TMEM181: variants seen among roughly 807,000 people sequenced by gnomAD.
TMEM181 encodes transmembrane protein 181, also known as G protein-coupled receptor 178.
Under a neutral mutation model 71.9 loss-of-function variants are expected in TMEM181, and 39 were observed. The observed-to-expected ratio is 0.54, with a 90% CI of 0.42 to 0.71. The LOEUF (loss-of-function observed/expected upper bound fraction) is 0.71. Ranked by LOEUF, TMEM181 falls within the 30% of genes least tolerant of loss-of-function variation. TMEM181 has a pLI of 0.00. For missense variants in TMEM181, 595 were observed against 583.0 expected, an observed-to-expected ratio of 1.02 and a Z score of -0.21; for synonymous variants, 245 against 228.8, an observed-to-expected ratio of 1.07 and a Z score of -0.64.
intron 6 of TMEM181, among the ~76,000 whole-genome samples, chr6:158,602,409 A>C (rs117081750): frequency 0.016 from 2,500 of 152,278 alleles, 24 homozygotes; most frequent in Middle Eastern, 0.044. Context: ...AATGCTAGAA[A>C]TGGAATGGTT....
At position 158,572,702 on chromosome 6, in the gene TMEM181, T is replaced by C. The variant is rs375017102; in HGVS notation, c.9-718T>C. Among the ~76,000 whole-genome samples, 111 of 152,336 alleles carry C rather than the reference T, an allele frequency of 7.3e-4. 1 individual carries two copies. The highest frequency in any genetic ancestry group is 2.5e-3 in the African/African-American group (106 of 41,584). ...AGGATGTTCTAAAAGAAATGATCCC[T>C]GCCTCCTAGAGTTTTCCTGTGACTG... On this transcript the variant is annotated intron_variant, in intron 1 of 16. Transcript: ENST00000684151.
chr6:158,584,715 ATGAAG>A (rs1311229804), intron 4 of TMEM181, among the ~76,000 whole-genome samples: 2 of 152,242 alleles, frequency 1.3e-5, no homozygotes, highest in Non-Finnish European at 2.9e-5. Context: ...ACCACAGTAA[ATGAAG>A]TGAAACAAAT....
chr6:158,632,346 GGCTGCTTC>G lies in TMEM181; in HGVS notation c.*459_*466del, dbSNP rs1786711132. 1 of 178,404 alleles carries G rather than the reference GGCTGCTTC, an allele frequency of 5.6e-6. No homozygotes were observed. The highest frequency in any genetic ancestry group is 2.4e-5 in the African/African-American group (1 of 42,000). 11.1% of individuals were successfully genotyped at this position (178,404 alleles called of 1,614,324 possible). On this transcript the variant is annotated 3_prime_UTR_variant, in exon 17 of 17. Transcript: ENST00000684151. ...AAACTCAAAGGGAAGCCTTATCTGT[GGCTGCTTC>G]AGGGCAGTCCTTCCTCGTTGAGTGG...
chr6:158,573,373 T>C, intron 1 of TMEM181, 47 bp from the exon 2 acceptor site: 1 of 1,482,692 alleles, frequency 6.7e-7, no homozygotes, highest in Non-Finnish European at 9.2e-7. Flanking sequence ...TCCTGTGACC[T>C]CCGGGCCTTC....
chr6:158,601,175 ATAG>A (rs1784650672), intron 6 of TMEM181, among the ~76,000 whole-genome samples: 1 of 152,208 alleles, frequency 6.6e-6, no homozygotes, highest in Non-Finnish European at 1.5e-5. Flanking sequence ...TTTTGGGTTT[ATAG>A]TAGTAACTAT....
upstream of TMEM181, among the ~76,000 whole-genome samples, chr6:158,556,785 T>A (rs1309448126): frequency 6.6e-6 from 1 of 151,778 alleles, no homozygotes; most frequent in Non-Finnish European, 1.5e-5. Context: ...TTTTTTGAGA[T>A]GGAGTCTCGC....
chr6:158,543,551 C>G (rs1273010579), intron 1 of TMEM181, among the ~76,000 whole-genome samples: 2 of 152,224 alleles, frequency 1.3e-5, no homozygotes, highest in South Asian at 2.1e-4. Flanking sequence ...TTGTCTCCTC[C>G]TGAGGGACAT....
chr6:158,605,159 T>TAG, intron 6 of TMEM181, 108 bp from the exon 7 acceptor site: 3 of 703,234 alleles, frequency 4.3e-6, no homozygotes, highest in Non-Finnish European at 2.5e-6. Flanking sequence ...TGTGTGTGTG[T>TAG]ATGTGTATAT....
chr6:158,580,595 A>G (rs1460744399), intron 2 of TMEM181, among the ~76,000 whole-genome samples: 5 of 152,246 alleles, frequency 3.3e-5, no homozygotes, highest in African/African-American at 1.2e-4. Context: ...TACAGAATAT[A>G]TAAGACAGAG....
chr6:158,600,513 A>G (rs1183481184), intron 6 of TMEM181, among the ~76,000 whole-genome samples: 9 of 124,240 alleles, frequency 7.2e-5, no homozygotes, highest in Non-Finnish European at 1.1e-4. Context: ...TCTGTCGCCC[A>G]GGCTAGAGTG....
intron 1 of TMEM181, among the ~76,000 whole-genome samples, chr6:158,564,422 C>A (rs1022005831): frequency 6.6e-6 from 1 of 152,202 alleles, no homozygotes; most frequent in South Asian, 2.1e-4. Flanking sequence ...CAGGGAAGCT[C>A]CCAGCCTGGT....
upstream of TMEM181, among the ~76,000 whole-genome samples, chr6:158,558,663 G>A (rs1781993617): frequency 2.6e-5 from 4 of 152,206 alleles, no homozygotes; most frequent in South Asian, 8.3e-4. Context: ...CTCAATTAGG[G>A]TGTCTTCTCT....
At chr6:158,589,525 G>C (rs776927145) in intron 5 of TMEM181, 147 bp from the exon 6 acceptor site, 4 of 619,034 alleles carry the variant, frequency 6.5e-6, no homozygotes, top group Non-Finnish European at 1.2e-5. Flanking sequence ...TGTTTGGCTG[G>C]CATCTGACTT....
At chr6:158,600,458 ATTTTTTTTTTTTTTTTT>A (rs61457107) in intron 6 of TMEM181, among the ~76,000 whole-genome samples, 5 of 91,854 alleles carry the variant, frequency 5.4e-5, no homozygotes, top group Non-Finnish European at 1.1e-4. Context: ...CCTAGGGTTA[ATTTTTTTTTTTTTTTTT>A]TTTTTTTTTT....
At chr6:158,539,237 A>G (rs1016356498) in intron 1 of TMEM181, among the ~76,000 whole-genome samples, 1 of 152,226 alleles carries the variant, frequency 6.6e-6, no homozygotes, top group Non-Finnish European at 1.5e-5. Context: ...AATATTTTGT[A>G]TAGACAGGGC....
In TMEM181 at chr6:158,589,655, T is replaced by G. The variant is rs771934031; in HGVS notation, c.382-17T>G. On this transcript the variant is annotated splice_polypyrimidine_tract_variant and intron_variant, in intron 5 of 16. Coordinates refer to ENST00000684151, the MANE Select transcript of TMEM181 (RefSeq NM_001376852.1). ...GTCTCGCTTTCTTTAAAGGCAAATC[T>G]TTCTGTGTATTTGCAGAAATGTGCG... is the stretch of plus-strand genomic sequence containing the variant. 1.0e-5 allele frequency: 16 copies of G among 1,599,926 alleles called. No homozygotes were observed. The South Asian group carries it at 1.7e-4, about 17-fold the overall frequency.
At chr6:158,625,989 G>A (rs143554089) in intron 13 of TMEM181, among the ~76,000 whole-genome samples, 3 of 152,340 alleles carry the variant, frequency 2.0e-5, no homozygotes, top group Admixed American at 6.5e-5. Flanking sequence ...CACTCGGCCC[G>A]CGCTGGGCAT....
intron 6 of TMEM181, among the ~76,000 whole-genome samples, chr6:158,590,544 A>G (rs1484074988): frequency 6.6e-6 from 1 of 151,920 alleles, no homozygotes; most frequent in Non-Finnish European, 1.5e-5. Flanking sequence ...GCTCACTGCA[A>G]CCTCCGCCTC....
chr6:158,622,224 T>C (rs1398384281), intron 10 of TMEM181, among the ~76,000 whole-genome samples: 4 of 152,224 alleles, frequency 2.6e-5, no homozygotes, highest in Non-Finnish European at 5.9e-5. Context: ...ACCAATAAAA[T>C]AGAAAAACTA....
Sources: allele counts gnomAD v4.1 joint callset (sites outside exome capture counted in the v4.1 genomes callset), GRCh38; gene constraint gnomAD v4.1.1; transcripts MANE v1.5; gene names NCBI Gene and HGNC (gene_info 2026-07-23, HGNC 2026-07-21).